STIM1: variants seen among roughly 807,000 people sequenced by gnomAD.
STIM1 encodes stromal interaction molecule 1.
Under a neutral mutation model 74.7 loss-of-function variants are expected in STIM1, and 25 were observed. The ratio of observed to expected loss-of-function variants is 0.33; its 90% CI spans 0.24 to 0.47. The LOEUF is 0.47. STIM1 is among the 20% of genes least tolerant of loss of function. The pLI is 1.00. For missense variants in STIM1, 728 were observed against 920.8 expected, an observed-to-expected ratio of 0.79 and a Z score of 2.71; for synonymous variants, 328 against 348.8, an observed-to-expected ratio of 0.94 and a Z score of 0.66.
chr11:3,862,954 G>A (rs1003405043), intron 1 of STIM1, among the ~76,000 whole-genome samples: 6 of 152,048 alleles, frequency 3.9e-5, no homozygotes, highest in South Asian at 4.1e-4. Context: ...GTGCAATGGC[G>A]CCATCTCGGC....
At position 3,967,532 on chromosome 11, in the gene STIM1, C is replaced by T; in HGVS notation, c.140-20C>T. The T allele has an allele frequency of 6.2e-7, 1 of 1,614,052 alleles. No homozygotes were observed. The highest frequency in any genetic ancestry group is 8.5e-7 in the Non-Finnish European group (1 of 1,179,948). On this transcript the variant is annotated intron_variant, in intron 1 of 12. Coordinates refer to ENST00000526596, the MANE Select transcript of STIM1 (RefSeq NM_001382567.1). ...GGGTGGCAGCTCTGAGTAATTTTGTCTCTTGCTTTTCTTACACAGAGTTTT... is the reference window on the plus strand; with the variant it reads ...GGGTGGCAGCTCTGAGTAATTTTGTTTCTTGCTTTTCTTACACAGAGTTTT...
At chr11:3,860,172 C>T (rs1461624617) in intron 1 of STIM1, among the ~76,000 whole-genome samples, 1 of 152,074 alleles carries the variant, frequency 6.6e-6, no homozygotes, top group Non-Finnish European at 1.5e-5. Flanking sequence ...GAGAGGGGAA[C>T]AGAGATCTAG....
intron 6 of STIM1, among the ~76,000 whole-genome samples, chr11:4,072,528 C>T (rs1337005194): frequency 6.6e-6 from 1 of 152,136 alleles, no homozygotes; most frequent in Non-Finnish European, 1.5e-5. Flanking sequence ...ATTGTTGTTG[C>T]CTTGGAGTGG....
chr11:3,934,023 C>T (rs1407937564), intron 1 of STIM1, among the ~76,000 whole-genome samples: 1 of 152,154 alleles, frequency 6.6e-6, no homozygotes, highest in Non-Finnish European at 1.5e-5. Flanking sequence ...TCTTTTCTCT[C>T]TTTCCCGTAG....
chr11:4,023,264 G>C (rs1295239474), intron 2 of STIM1, among the ~76,000 whole-genome samples: 1 of 152,122 alleles, frequency 6.6e-6, no homozygotes, highest in African/African-American at 2.4e-5. Context: ...CGGAGGTGGA[G>C]GTTGCAGTGA....
intron 1 of STIM1, among the ~76,000 whole-genome samples, chr11:3,931,446 G>A (rs2092858745): frequency 6.6e-6 from 1 of 152,078 alleles, no homozygotes; most frequent in South Asian, 2.1e-4. Context: ...TGGTAACCAG[G>A]GTGCTAAGTT....
intron 6 of STIM1, among the ~76,000 whole-genome samples, chr11:4,073,767 AT>A (rs998744508): frequency 6.6e-6 from 1 of 152,162 alleles, no homozygotes; most frequent in Non-Finnish European, 1.5e-5. Context: ...TGCCCTTGAG[AT>A]CTTATCCACT....
intron 1 of STIM1, among the ~76,000 whole-genome samples, chr11:3,947,102 T>TG (rs1182532315): frequency 2.1e-5 from 3 of 140,688 alleles, no homozygotes; most frequent in Non-Finnish European, 4.7e-5. Context: ...TTCTTAGTGT[T>TG]TTTTTTTTTT....
At chr11:4,026,004 TTA>T (rs1326891420) in intron 3 of STIM1, among the ~76,000 whole-genome samples, 2 of 152,192 alleles carry the variant, frequency 1.3e-5, no homozygotes, top group African/African-American at 4.8e-5. Context: ...GTGAGAATTT[TTA>T]TATGTCCTCT....
rs752653663 is a variant in STIM1 at position 3,887,419 on chromosome 11, C to T, written c.139+31010C>T. On this transcript the variant is annotated intron_variant, in intron 1 of 12. Coordinates refer to ENST00000526596, the MANE Select transcript of STIM1 (RefSeq NM_001382567.1). ...TGCTTAATATATTGTGAGAGGTGAA[C>T]CTGGAAACAATGGACTGTAATGGCA... Among the ~76,000 whole-genome samples the T allele has an allele frequency of 2.0e-5, 3 of 152,016 alleles. No individual in the cohort carries two copies. In the South Asian group the frequency reaches 6.2e-4, roughly 32 times the overall value.
rs998586299 is a variant in STIM1 at position 3,864,169 on chromosome 11, A to G, written c.139+7760A>G. Among the ~76,000 whole-genome samples the G allele has an allele frequency of 1.8e-4, 27 of 152,224 alleles. 1 individual carries two copies. Among genetic ancestry groups the G allele is most frequent in the Admixed American group, 5.9e-4 (9 of 15,274 alleles). ...AATATTTGACCTCAGCTCCAGCTGT[A>G]CTCTCTTATTGAGTATAACCACCTC... On this transcript the variant is annotated intron_variant, in intron 1 of 12. Transcript: ENST00000526596.
chr11:3,961,794 C>T (rs1421223121), intron 1 of STIM1, among the ~76,000 whole-genome samples: 1 of 152,162 alleles, frequency 6.6e-6, no homozygotes, highest in African/African-American at 2.4e-5. Context: ...AGGCGTGAGC[C>T]ACTGCGCCCG....
intron 4 of STIM1, chr11:4,058,866 A>G: frequency 9.5e-7 from 1 of 1,048,658 alleles, no homozygotes; most frequent in African/African-American, 1.6e-5. Flanking sequence ...AGGATAATTC[A>G]TAAATCCCAG....
chr11:3,952,798 A>G (rs2093165380), intron 1 of STIM1, among the ~76,000 whole-genome samples: 1 of 152,236 alleles, frequency 6.6e-6, no homozygotes. Context: ...TCAGTCAGAC[A>G]CTTTCAATTC....
At chr11:4,026,728 A>C (rs913707929) in intron 3 of STIM1, among the ~76,000 whole-genome samples, 2 of 152,244 alleles carry the variant, frequency 1.3e-5, no homozygotes, top group African/African-American at 4.8e-5. Context: ...AGGACCAGCC[A>C]AAAGAAGAAA....
chr11:3,939,051 G>T (rs181032788), intron 1 of STIM1, among the ~76,000 whole-genome samples: 11 of 152,264 alleles, frequency 7.2e-5, no homozygotes, highest in Admixed American at 1.3e-4. Context: ...GTTGGGCAAA[G>T]AACTTTTCTG....
At chr11:4,000,401 G>A (rs574245292) in intron 2 of STIM1, among the ~76,000 whole-genome samples, 3 of 152,030 alleles carry the variant, frequency 2.0e-5, no homozygotes, top group South Asian at 2.1e-4. Flanking sequence ...CCAGAGGAAC[G>A]ATCAGACAGC....
intron 2 of STIM1, among the ~76,000 whole-genome samples, chr11:3,977,364 A>G (rs148289400): frequency 1.3e-5 from 2 of 152,224 alleles, no homozygotes; most frequent in African/African-American, 2.4e-5. Flanking sequence ...TACAAGATCT[A>G]CTTATGACTT....
At chr11:3,874,446 G>T (rs1381452329) in intron 1 of STIM1, among the ~76,000 whole-genome samples, 1 of 152,202 alleles carries the variant, frequency 6.6e-6, no homozygotes, top group Non-Finnish European at 1.5e-5. Flanking sequence ...TGCAGGTGAA[G>T]AAATAGATTC....
Sources: gnomAD v4.1 joint callset for allele counts (sites outside exome capture counted in the v4.1 genomes callset) on GRCh38, gnomAD v4.1.1 for gene constraint, MANE v1.5 for transcripts, NCBI Gene and HGNC (gene_info 2026-07-23, HGNC 2026-07-21) for gene names.